The following PICALM variants were observed in gnomAD, a reference collection of about 807,000 sequenced individuals.
PICALM encodes the protein phosphatidylinositol-binding clathrin assembly protein.
A neutral mutation model predicts 80.5 loss-of-function variants in PICALM; 40 were observed. The ratio of observed to expected loss-of-function variants is 0.50; its 90% confidence interval spans 0.39 to 0.65. The LOEUF is 0.65. Among genes scored for constraint, PICALM ranks in the 30% least tolerant of loss-of-function variants. PICALM has a pLI of 0.00. For synonymous variants in PICALM, 288 were observed against 260.3 expected (o/e 1.11, Z -1.02); for missense variants, 676 against 778.9 (o/e 0.87, Z 1.57).
intron 11 of PICALM, among the ~76,000 whole-genome samples, chr11:85,999,161 G>T (rs896705751): frequency 6.6e-6 from 1 of 152,142 alleles, no homozygotes; most frequent in Admixed American, 6.5e-5. Context: ...ATTCTACTGT[G>T]CTATCAAACA....
At chr11:86,000,498 T>C (rs1309899306) in intron 11 of PICALM, 145 bp downstream of exon 11, 3 of 590,760 alleles carry the variant, frequency 5.1e-6, no homozygotes, top group African/African-American at 3.7e-5. Flanking sequence ...TTAGGTATTA[T>C]ACCAATATCA....
At chr11:85,960,094 T>C (rs2093638279) in intron 19 of PICALM, among the ~76,000 whole-genome samples, 1 of 152,186 alleles carries the variant, frequency 6.6e-6, no homozygotes, top group African/African-American at 2.4e-5. Flanking sequence ...ATACTAAGTC[T>C]TTTTATTAAC....
intron 13 of PICALM, among the ~76,000 whole-genome samples, chr11:85,986,052 G>T (rs1380289082): frequency 6.6e-6 from 1 of 151,908 alleles, no homozygotes; most frequent in African/African-American, 2.4e-5. Context: ...AGTATACAAG[G>T]TTAGAAAGAC....
At chr11:86,018,816 G>A (rs2095520525) in intron 4 of PICALM, among the ~76,000 whole-genome samples, 1 of 151,992 alleles carries the variant, frequency 6.6e-6, no homozygotes, top group Non-Finnish European at 1.5e-5. Flanking sequence ...TTGAACCCGG[G>A]AGGTGGAGGT....
chr11:85,961,498 T>C (rs1050194375), intron 19 of PICALM, among the ~76,000 whole-genome samples: 1 of 152,242 alleles, frequency 6.6e-6, no homozygotes, highest in African/African-American at 2.4e-5. Context: ...TCGAATATAC[T>C]GTAAGGCAAG....
At chr11:86,002,055 CAAAG>C (rs1440782683) in intron 9 of PICALM, among the ~76,000 whole-genome samples, 2 of 152,068 alleles carry the variant, frequency 1.3e-5, no homozygotes, top group Non-Finnish European at 1.5e-5. Flanking sequence ...ATTCAGAAGA[CAAAG>C]GAAGAATAAC....
intron 1 of PICALM, among the ~76,000 whole-genome samples, chr11:86,064,822 C>T (rs1194206999): frequency 1.3e-5 from 2 of 151,012 alleles, no homozygotes; most frequent in African/African-American, 4.9e-5. Context: ...ACCTGTAATC[C>T]CAGCACTCTG....
chr11:86,000,806 G>A lies in PICALM; in HGVS notation c.1018-27C>T, dbSNP rs1397920015. The stretch of plus-strand genomic sequence containing the variant: ...TGTTAAGAAAGGGAACTACCATAAG[G>A]ATTCCAGAAACCAGATTTCTTTGTA... On this transcript the variant is annotated intron_variant, in intron 10 of 19. Transcript: ENST00000393346. 6.9e-6 allele frequency: 11 copies of A among 1,599,074 alleles called. No homozygotes were observed. In the South Asian group the frequency reaches 1.1e-4, roughly 16 times the overall value.
At chr11:85,988,379 AATAAGT>A (rs1416001421) in intron 13 of PICALM, among the ~76,000 whole-genome samples, 9 of 152,232 alleles carry the variant, frequency 5.9e-5, no homozygotes, top group African/African-American at 1.7e-4. Flanking sequence ...TCTGAAAGCA[AATAAGT>A]ATATTTTTTC....
intron 8 of PICALM, among the ~76,000 whole-genome samples, chr11:86,006,549 A>G (rs1392918668): frequency 1.3e-5 from 2 of 152,204 alleles, no homozygotes; most frequent in Non-Finnish European, 2.9e-5. Context: ...TGGGAGGCTG[A>G]GGTGGGAGAA....
intron 19 of PICALM, 121 bp downstream of exon 19, chr11:85,974,587 T>G: frequency 1.3e-6 from 1 of 747,874 alleles, no homozygotes; most frequent in South Asian, 1.4e-5. Context: ...AAGCAAGCAA[T>G]ATCCATAATG....
Position 85,996,935 on chromosome 11 carries a change from A to G in PICALM, c.1155-6T>C, listed in dbSNP as rs2094984056. The stretch of plus-strand genomic sequence containing the variant: ...CATTGGGCAGCTTTGATGTGCTAGA[A>G]AGATATTTTGGAAACGTGTTTTATT... On this transcript the variant is annotated splice_region_variant and splice_polypyrimidine_tract_variant and intron_variant, in intron 11 of 19. Transcript: ENST00000393346. The G allele has an allele frequency of 1.9e-6, 3 of 1,600,204 alleles. No individual in the cohort carries two copies. The East Asian group carries it at 6.8e-5, about 36-fold the overall frequency.
At chr11:85,972,845 T>A (rs2094152503) in intron 19 of PICALM, among the ~76,000 whole-genome samples, 1 of 152,150 alleles carries the variant, frequency 6.6e-6, no homozygotes, top group African/African-American at 2.4e-5. Context: ...AAAAAGACAT[T>A]AACTGTGTAT....
Position 85,996,930 on chromosome 11 carries a change from C to T in PICALM, c.1155-1G>A. The T allele has an allele frequency of 6.2e-7, 1 of 1,602,160 alleles. No individual in the cohort carries two copies. The highest frequency in any genetic ancestry group is 8.5e-7 in the Non-Finnish European group (1 of 1,172,560). ...CAGATCATTGGGCAGCTTTGATGTG[C>T]TAGAAAGATATTTTGGAAACGTGTT... is the stretch of plus-strand genomic sequence containing the variant. On this transcript the variant is annotated splice_acceptor_variant, in intron 11 of 19. Coordinates refer to ENST00000393346, the MANE Select transcript of PICALM (RefSeq NM_007166.4). LOFTEE classifies it high-confidence loss of function.
At chr11:85,996,342 T>C (rs1041089807) in intron 12 of PICALM, among the ~76,000 whole-genome samples, 4 of 152,146 alleles carry the variant, frequency 2.6e-5, no homozygotes, top group African/African-American at 9.7e-5. Context: ...ATTTAAAACA[T>C]TTATGTCTTG....
chr11:85,989,698 T>G (rs2094700372), intron 13 of PICALM, among the ~76,000 whole-genome samples: 1 of 152,140 alleles, frequency 6.6e-6, no homozygotes. Flanking sequence ...AAACACATAC[T>G]TCCTACTTTT....
chr11:86,051,202 C>T (rs669813), intron 1 of PICALM, among the ~76,000 whole-genome samples: 109,624 of 152,132 alleles, frequency 0.72, 40,085 homozygotes, highest in African/African-American at 0.87. Context: ...ACCAAGCCTA[C>T]AACAAAAAAA....
At chr11:86,068,608 G>A in intron 1 of PICALM, 43 bp downstream of exon 1, 1 of 1,580,664 alleles carries the variant, frequency 6.3e-7, no homozygotes, top group Non-Finnish European at 8.6e-7. Context: ...CGCGCGGGTC[G>A]CGCGGGCGCC....
chr11:86,009,452 G>GCTCCCAA (rs2095351243), intron 7 of PICALM, among the ~76,000 whole-genome samples: 1 of 152,150 alleles, frequency 6.6e-6, no homozygotes, highest in Non-Finnish European at 1.5e-5. Context: ...AGCACTTTGG[G>GCTCCCAA]AGGCCCAGGC....
Sources: allele counts gnomAD v4.1 joint callset (sites outside exome capture counted in the v4.1 genomes callset), GRCh38; gene constraint gnomAD v4.1.1; transcripts MANE v1.5; gene names NCBI Gene and HGNC (gene_info 2026-07-23, HGNC 2026-07-21).